The following EFR3A variants were observed in gnomAD, a reference collection of about 807,000 sequenced individuals.
EFR3A encodes the protein EFR3 homolog A.
A neutral mutation model predicts 104.4 loss-of-function variants in EFR3A; 76 were observed. The observed-to-expected ratio is 0.73, with a 90% CI of 0.60 to 0.88. The LOEUF is 0.88. EFR3A is among the 40% of genes least tolerant of loss of function. EFR3A has a pLI of 0.00. For missense variants in EFR3A, 985 were observed against 1,012.5 expected, an observed-to-expected ratio of 0.97 and a Z score of 0.37; for synonymous variants, 330 against 330.0, an observed-to-expected ratio of 1.00 and a Z score of 0.00.
chr8:131,906,110 T>G lies in EFR3A; in HGVS notation c.10+1788T>G, dbSNP rs553388472. Reference sequence around the variant, plus strand: ...TGACTGAATAAAAATGTGCTGTGGATTGATTGGGGGTACCAGTGTGAGGTG... The same window carrying G: ...TGACTGAATAAAAATGTGCTGTGGAGTGATTGGGGGTACCAGTGTGAGGTG... On this transcript the variant is annotated intron_variant, in intron 1 of 22. Coordinates refer to ENST00000254624, the MANE Select transcript of EFR3A (RefSeq NM_015137.6). Among the ~76,000 whole-genome samples the G allele has an allele frequency of 1.8e-3, 279 of 152,318 alleles. 2 individuals are homozygous for G. The highest frequency in any genetic ancestry group is 6.5e-3 in the African/African-American group (271 of 41,566).
At chr8:131,966,438 A>G (rs930932187) in intron 8 of EFR3A, among the ~76,000 whole-genome samples, 4 of 152,134 alleles carry the variant, frequency 2.6e-5, no homozygotes, top group African/African-American at 9.7e-5. Flanking sequence ...TGTTATGTTC[A>G]ATGTTAATAG....
intron 1 of EFR3A, 81 bp from the exon 2 acceptor site, chr8:131,940,418 T>C: frequency 7.6e-7 from 1 of 1,319,474 alleles, no homozygotes; most frequent in East Asian, 2.5e-5. Context: ...TATAGCCCAT[T>C]AATATTCAGA....
chr8:131,925,609 AT>A (rs1463331589), intron 1 of EFR3A, among the ~76,000 whole-genome samples: 1 of 152,164 alleles, frequency 6.6e-6, no homozygotes, highest in East Asian at 1.9e-4. Context: ...AAAAATCTGA[AT>A]GAGGAAGTTC....
intron 1 of EFR3A, among the ~76,000 whole-genome samples, chr8:131,929,977 C>T (rs1817504032): frequency 6.6e-6 from 1 of 152,066 alleles, no homozygotes; most frequent in South Asian, 2.1e-4. Context: ...CTGAGGGACA[C>T]CCCAAGTTAG....
At chr8:131,931,821 CCT>C (rs1433209309) in intron 1 of EFR3A, among the ~76,000 whole-genome samples, 1 of 151,730 alleles carries the variant, frequency 6.6e-6, no homozygotes, top group African/African-American at 2.4e-5. Context: ...CTTTTTCTGC[CCT>C]GACTGGATTC....
chr8:131,973,235 C>T (rs1416154210), intron 10 of EFR3A, among the ~76,000 whole-genome samples: 1 of 151,828 alleles, frequency 6.6e-6, no homozygotes, highest in Admixed American at 6.6e-5. Context: ...CTAGTTATTG[C>T]TTAAGACAGT....
chr8:131,953,158 A>AGG (rs1818791359), intron 5 of EFR3A, among the ~76,000 whole-genome samples: 1 of 151,988 alleles, frequency 6.6e-6, no homozygotes, highest in South Asian at 2.1e-4. Context: ...GAGCTTGAGG[A>AGG]GGTTTGGTGC....
chr8:131,986,100 AGTT>A (rs1480046101), intron 16 of EFR3A, 91 bp from the exon 17 acceptor site: 7 of 531,252 alleles, frequency 1.3e-5, no homozygotes, highest in Non-Finnish European at 2.3e-5. Flanking sequence ...AAATGTTTAA[AGTT>A]GTTTTTTTTT....
At chr8:131,911,390 G>A (rs182890720) in intron 1 of EFR3A, among the ~76,000 whole-genome samples, 1 of 152,180 alleles carries the variant, frequency 6.6e-6, no homozygotes, top group African/African-American at 2.4e-5. Flanking sequence ...TCTAAAATTG[G>A]TATCTATGAA....
intron 22 of EFR3A, among the ~76,000 whole-genome samples, chr8:132,010,211 G>A (rs943649710): frequency 2.6e-5 from 4 of 151,408 alleles, no homozygotes; most frequent in Non-Finnish European, 5.9e-5. Context: ...CTGGTATTCC[G>A]GCAATATGTA....
chr8:132,004,154 A>C (rs1459557818), intron 22 of EFR3A, among the ~76,000 whole-genome samples: 3 of 152,168 alleles, frequency 2.0e-5, no homozygotes, highest in East Asian at 1.9e-4. Context: ...TTTCCCTCCC[A>C]TTCCTGCTAT....
In EFR3A at chr8:132,011,061, A is replaced by G; in HGVS notation, c.*166A>G. The G allele has an allele frequency of 7.1e-6, 9 of 1,270,870 alleles. No homozygotes were observed. The highest frequency in any genetic ancestry group is 9.0e-6 in the Non-Finnish European group (9 of 1,002,724). 78.7% of individuals were successfully genotyped at this position (1,270,870 alleles called of 1,614,324 possible). A position where few individuals can be genotyped will look rare whatever the true frequency, so the allele number is the denominator to read the frequency against. On this transcript the variant is annotated 3_prime_UTR_variant, in exon 23 of 23. Coordinates refer to ENST00000254624, the MANE Select transcript of EFR3A (RefSeq NM_015137.6). ...ACCATATTAGAAGTTTTGGAGCTATATATAATTTCGAGTACTTTCAAAGAT... is the reference window on the plus strand; with the variant it reads ...ACCATATTAGAAGTTTTGGAGCTATGTATAATTTCGAGTACTTTCAAAGAT...
chr8:131,928,605 T>G (rs937087698), intron 1 of EFR3A, among the ~76,000 whole-genome samples: 1 of 152,102 alleles, frequency 6.6e-6, no homozygotes, highest in African/African-American at 2.4e-5. Flanking sequence ...TTTCTCCTTT[T>G]TCCATGTCAG....
At chr8:131,928,017 C>T (rs1231332622) in intron 1 of EFR3A, among the ~76,000 whole-genome samples, 1 of 152,116 alleles carries the variant, frequency 6.6e-6, no homozygotes, top group African/African-American at 2.4e-5. Context: ...TGTCTTCTGA[C>T]AATGGAAAAT....
intron 4 of EFR3A, among the ~76,000 whole-genome samples, chr8:131,949,624 C>T (rs1818600425): frequency 6.6e-6 from 1 of 151,908 alleles, no homozygotes; most frequent in African/African-American, 2.4e-5. Context: ...GGCAACATAG[C>T]AAGACCCCCA....
At chr8:131,952,133 T>TACCACC (rs916628157) in intron 5 of EFR3A, among the ~76,000 whole-genome samples, 2 of 151,734 alleles carry the variant, frequency 1.3e-5, no homozygotes, top group South Asian at 2.1e-4. Flanking sequence ...TGGTAGAAAT[T>TACCACC]ACCACCACCA....
intron 4 of EFR3A, among the ~76,000 whole-genome samples, chr8:131,947,322 G>A (rs1295031289): frequency 3.0e-4 from 46 of 151,884 alleles, no homozygotes; most frequent in Non-Finnish European, 2.9e-5. Context: ...TTTCTTTGGA[G>A]AAATGTCTAT....
chr8:131,926,769 G>A (rs1418428470), intron 1 of EFR3A, among the ~76,000 whole-genome samples: 3 of 152,074 alleles, frequency 2.0e-5, no homozygotes, highest in Non-Finnish European at 4.4e-5. Flanking sequence ...ATGAATGTGT[G>A]CCACCGTGTC....
rs546380931 is a variant in EFR3A, at chr8:131,906,461, T to C, written c.10+2139T>C. Among the ~76,000 whole-genome samples, 279 of 152,316 alleles carry C rather than the reference T, an allele frequency of 1.8e-3. 2 individuals are homozygous for C. The highest frequency in any genetic ancestry group is 6.5e-3 in the African/African-American group (271 of 41,572). On this transcript the variant is annotated intron_variant, in intron 1 of 22. Coordinates refer to ENST00000254624, the MANE Select transcript of EFR3A (RefSeq NM_015137.6). ...AAAGGGTTGGAGGTGATCACTGTGG[T>C]CTCTCAGACTCTACAATTCCGAGAG...
Sources: gnomAD v4.1 joint callset for allele counts (sites outside exome capture counted in the v4.1 genomes callset) on GRCh38, gnomAD v4.1.1 for gene constraint, MANE v1.5 for transcripts, NCBI Gene and HGNC (gene_info 2026-07-23, HGNC 2026-07-21) for gene names.